Variants in PSD3 observed in about 807,000 individuals in gnomAD.
PSD3 encodes pleckstrin and Sec7 domain containing 3, also known as PH and SEC7 domain-containing protein 3.
A neutral mutation model predicts 105.5 loss-of-function variants in PSD3; 49 were observed. The observed-to-expected ratio is 0.46, with a 90% CI of 0.37 to 0.59. PSD3 has a LOEUF of 0.59. PSD3 is among the 20% of genes least tolerant of loss of function. PSD3 has a pLI of 0.00. For synonymous variants in PSD3, 557 were observed against 457.8 expected (o/e 1.22, Z -2.77); for missense variants, 1,561 against 1,263.8 (o/e 1.24, Z -3.57).
Position 18,939,114 on chromosome 8 carries a change from C to T in PSD3, c.22-2972G>A, listed in dbSNP as rs1156480808. Among the ~76,000 whole-genome samples the T allele has an allele frequency of 2.6e-5, 4 of 152,108 alleles. No homozygotes were observed. The East Asian group carries it at 7.7e-4, about 29-fold the overall frequency. On this transcript the variant is annotated intron_variant, in intron 1 of 15. Coordinates refer to ENST00000327040, the MANE Select transcript of PSD3 (RefSeq NM_015310.4). ...TATACAGCAAAAGTTTCAAGAAATT[C>T]CAAGAAGATAAATTTTTGCTTAGAA...
intron 14 of PSD3, among the ~76,000 whole-genome samples, chr8:18,572,070 T>A (rs1047082524): frequency 1.3e-5 from 2 of 152,208 alleles, no homozygotes; most frequent in African/African-American, 4.8e-5. Flanking sequence ...TCAGCTCTGC[T>A]CTGAGGGGTA....
At chr8:18,539,521 G>A (rs2129949258) in intron 15 of PSD3, among the ~76,000 whole-genome samples, 1 of 151,826 alleles carries the variant, frequency 6.6e-6, no homozygotes, top group East Asian at 1.9e-4. Context: ...AAGTAAAGGA[G>A]CAGCAAGAAG....
rs766111135 is a variant in PSD3, at chr8:18,872,211, G to C, written c.653C>G (p.Thr218Ser). Residue 218 changes from threonine to serine, a missense_variant, in exon 3 of 16, where the codon ACC becomes AGC. Coordinates refer to ENST00000327040, the MANE Select transcript of PSD3 (RefSeq NM_015310.4). Reference protein sequence around the residue: ...SFYLSIQKDLTALLTGDTQAE... With the variant: ...SFYLSIQKDLSALLTGDTQAE... ...CTGAGTGTCTCCAGTTAACAGCGCG[G>C]TGAGATCTTTCTGGATGCTCAAATA... is the stretch of plus-strand genomic sequence containing the variant. The C allele has an allele frequency of 3.5e-5, 56 of 1,614,050 alleles. No homozygotes were observed. Among genetic ancestry groups the C allele is most frequent in the Non-Finnish European group, 4.6e-5 (54 of 1,180,022 alleles).
intron 12 of PSD3, among the ~76,000 whole-genome samples, chr8:18,585,557 A>G (rs1803116374): frequency 1.3e-5 from 2 of 152,104 alleles, no homozygotes; most frequent in Admixed American, 6.6e-5. Context: ...GGCTTAAGCA[A>G]TCTACCCACC....
Position 18,910,273 on chromosome 8 carries a change from G to A in PSD3, c.130+25761C>T, listed in dbSNP as rs1820122717. Among the ~76,000 whole-genome samples, 9 of 145,274 alleles carry A rather than the reference G, an allele frequency of 6.2e-5. No individual in the cohort carries two copies. The Admixed American group carries it at 6.3e-4, about 10-fold the overall frequency. On this transcript the variant is annotated intron_variant, in intron 2 of 15. Transcript: ENST00000327040. ...CAATGATAGACTGGATTAAGAAAAT[G>A]TGGCACATATACACCATGGAATACT...
intron 4 of PSD3, among the ~76,000 whole-genome samples, chr8:18,825,478 C>T (rs1366149702): frequency 3.3e-5 from 5 of 152,126 alleles, no homozygotes; most frequent in Admixed American, 6.5e-5. Context: ...GCATCCTCAC[C>T]GTAACTACCT....
chr8:18,542,417 A>C (rs1406079019), intron 15 of PSD3, among the ~76,000 whole-genome samples: 1 of 152,218 alleles, frequency 6.6e-6, no homozygotes, highest in Non-Finnish European at 1.5e-5. Flanking sequence ...CCTCATCAAC[A>C]TGAATTCAGG....
At chr8:18,819,575 A>ATTTTTTTTTTTTTTTTT (rs746931460) in intron 4 of PSD3, among the ~76,000 whole-genome samples, 2 of 111,316 alleles carry the variant, frequency 1.8e-5, no homozygotes, top group African/African-American at 3.5e-5. Flanking sequence ...ATTAGAATGG[A>ATTTTTTTTTTTTTTTTT]TTTTTTTTTT....
chr8:18,540,075 G>T (rs915920132), intron 15 of PSD3, among the ~76,000 whole-genome samples: 2 of 152,176 alleles, frequency 1.3e-5, no homozygotes, highest in African/African-American at 4.8e-5. Flanking sequence ...CAGGCGTGAT[G>T]ACCCTTGTCT....
intron 11 of PSD3, among the ~76,000 whole-genome samples, chr8:18,625,350 T>C (rs1806404116): frequency 6.6e-6 from 1 of 152,162 alleles, no homozygotes; most frequent in African/African-American, 2.4e-5. Flanking sequence ...TCATCCTATC[T>C]GTATGTCTTA....
intron 15 of PSD3, among the ~76,000 whole-genome samples, chr8:18,547,067 A>G (rs1800492432): frequency 6.6e-6 from 1 of 152,044 alleles, no homozygotes; most frequent in Non-Finnish European, 1.5e-5. Flanking sequence ...GCCTGGGATT[A>G]ATTTGTCTCG....
intron 1 of PSD3, among the ~76,000 whole-genome samples, chr8:19,064,044 G>C (rs1204743537): frequency 6.6e-6 from 1 of 152,120 alleles, no homozygotes; most frequent in African/African-American, 2.4e-5. Context: ...CGGAGACTGA[G>C]GCTGGAGAAT....
chr8:19,012,091 C>T (rs1297019311), intron 1 of PSD3, among the ~76,000 whole-genome samples: 1 of 152,228 alleles, frequency 6.6e-6, no homozygotes, highest in Non-Finnish European at 1.5e-5. Context: ...GTGGCAAAAA[C>T]TCACCCAGTC....
intron 11 of PSD3, among the ~76,000 whole-genome samples, chr8:18,611,774 TC>T: frequency 6.6e-6 from 1 of 150,400 alleles, no homozygotes; most frequent in South Asian, 2.1e-4. Context: ...CCTGGATGGA[TC>T]ACATTAACAG....
rs1281652594 is a variant in PSD3, at chr8:19,007,729, T to C, written c.21+5834A>G. On this transcript the variant is annotated intron_variant, in intron 1 of 15. Coordinates refer to ENST00000327040, the MANE Select transcript of PSD3 (RefSeq NM_015310.4). ...AGGTAAGCACTTAATATTTGCTGAA[T>C]GCTTAAATCAACAGCATAATAATAT... Among the ~76,000 whole-genome samples, 4 of 152,352 alleles carry C rather than the reference T, an allele frequency of 2.6e-5. No individual in the cohort carries two copies. The East Asian group carries it at 7.7e-4, about 29-fold the overall frequency.
intron 15 of PSD3, among the ~76,000 whole-genome samples, chr8:18,536,488 G>C (rs540300851): frequency 1.3e-5 from 2 of 152,298 alleles, no homozygotes; most frequent in South Asian, 4.1e-4. Context: ...TCCCCTATGA[G>C]ACCATACCAC....
At chr8:18,679,658 G>A (rs1352220767) in intron 9 of PSD3, among the ~76,000 whole-genome samples, 7 of 152,148 alleles carry the variant, frequency 4.6e-5, no homozygotes, top group African/African-American at 1.4e-4. Context: ...GTCTTGGGGA[G>A]GTGAAGTAAC....
At chr8:18,538,333 GT>G (rs910273306) in intron 15 of PSD3, among the ~76,000 whole-genome samples, 62 of 152,252 alleles carry the variant, frequency 4.1e-4, no homozygotes, top group African/African-American at 1.4e-3. Context: ...GTTTCATAAG[GT>G]TTGCTAGTAA....
intron 10 of PSD3, among the ~76,000 whole-genome samples, chr8:18,645,232 G>C (rs907225731): frequency 2.0e-5 from 3 of 152,208 alleles, no homozygotes; most frequent in African/African-American, 7.2e-5. Flanking sequence ...ACCATAGCAA[G>C]AGTCTTCCTT....
Sources: gnomAD v4.1 joint callset for allele counts (sites outside exome capture counted in the v4.1 genomes callset) on GRCh38, gnomAD v4.1.1 for gene constraint, MANE v1.5 for transcripts, NCBI Gene and HGNC (gene_info 2026-07-23, HGNC 2026-07-21) for gene names.